The following EEF2K variants were observed in gnomAD, a reference collection of about 807,000 sequenced individuals.
The protein encoded by EEF2K is eukaryotic elongation factor 2 kinase.
EEF2K carries 70 observed loss-of-function variants against 93.8 expected under a neutral mutation model. The ratio of observed to expected loss-of-function variants is 0.75; its 90% CI spans 0.62 to 0.91. The LOEUF (loss-of-function observed/expected upper bound fraction) is 0.91, where lower values mean the gene tolerates loss of function less well. Ranked by LOEUF, EEF2K falls within the 40% of genes least tolerant of loss-of-function variation. The pLI, the probability that EEF2K is intolerant of heterozygous loss-of-function variation, is 0.00. For synonymous variants in EEF2K, 376 were observed against 380.8 expected (o/e 0.99, Z 0.15); for missense variants, 935 against 972.9 (o/e 0.96, Z 0.52).
chr16:22,221,439 A>G (rs1386395719), intron 1 of EEF2K, among the ~76,000 whole-genome samples: 1 of 152,024 alleles, frequency 6.6e-6, no homozygotes, highest in Non-Finnish European at 1.5e-5. Flanking sequence ...ACACCACTGC[A>G]CTCCAGCCAG....
chr16:22,265,938 A>T (rs967718577), intron 13 of EEF2K, among the ~76,000 whole-genome samples: 1 of 152,128 alleles, frequency 6.6e-6, no homozygotes, highest in African/African-American at 2.4e-5. Flanking sequence ...GTTGGTTTAG[A>T]GTGAGACCCC....
At chr16:22,224,908 G>A (rs895289503) in intron 1 of EEF2K, among the ~76,000 whole-genome samples, 6 of 151,698 alleles carry the variant, frequency 4.0e-5, no homozygotes, top group Admixed American at 6.6e-5. Context: ...AGCCAAGATC[G>A]CACCATTGCA....
intron 9 of EEF2K, 121 bp from the exon 10 acceptor site, chr16:22,258,372 TA>T: frequency 9.7e-7 from 1 of 1,029,526 alleles, no homozygotes; most frequent in Non-Finnish European, 1.4e-6. Flanking sequence ...TATCAGCTCC[TA>T]AACAGGCATG....
intron 2 of EEF2K, among the ~76,000 whole-genome samples, chr16:22,233,525 A>C (rs955518547): frequency 4.4e-4 from 49 of 112,386 alleles, no homozygotes; most frequent in African/African-American, 1.4e-3. Flanking sequence ...CTAAAAATAC[A>C]AAAAAAAAAA....
At chr16:22,273,880 C>G (rs1485193551) in intron 16 of EEF2K, 130 bp downstream of exon 16, 14 of 1,312,250 alleles carry the variant, frequency 1.1e-5, no homozygotes, top group Non-Finnish European at 1.1e-5. Flanking sequence ...CCATGGGCAA[C>G]TTATTTTACC....
In EEF2K at chr16:22,286,414, A is replaced by G. The variant is rs938763622; in HGVS notation, c.*2418A>G. 1 of 152,186 alleles carries G rather than the reference A, an allele frequency of 6.6e-6. No homozygotes were observed. The highest frequency in any genetic ancestry group is 2.4e-5 in the African/African-American group (1 of 41,440). The allele number at this position is 152,186 out of a possible 1,614,324, so 9.4% of individuals were successfully genotyped here. ...TTATGTAAATAATTTGTGTTCCCTG[A>G]TCACTCGTTTAAGTTCTTAGTTGTA... On this transcript the variant is annotated 3_prime_UTR_variant, in exon 18 of 18. Transcript: ENST00000263026.
intron 6 of EEF2K, 112 bp from the exon 7 acceptor site, chr16:22,256,636 G>C: frequency 7.7e-7 from 1 of 1,305,706 alleles, no homozygotes; most frequent in Non-Finnish European, 1.0e-6. Flanking sequence ...AGTAAGTCAT[G>C]GAGCCAGGGT....
chr16:22,220,332 G>A (rs916130508), intron 1 of EEF2K, among the ~76,000 whole-genome samples: 53 of 152,212 alleles, frequency 3.5e-4, no homozygotes, highest in African/African-American at 1.2e-3. Context: ...GGTGGGACAT[G>A]GCCGAGGGCC....
intron 16 of EEF2K, among the ~76,000 whole-genome samples, chr16:22,279,562 A>G (rs745684856): frequency 6.6e-6 from 1 of 152,178 alleles, no homozygotes; most frequent in African/African-American, 2.4e-5. Context: ...TGGTATAAAC[A>G]ATTTCTTTAT....
In EEF2K at chr16:22,250,622, G is replaced by A. The variant is rs368834667; in HGVS notation, c.409-32G>A. On this transcript the variant is annotated intron_variant, in intron 4 of 17. Coordinates refer to ENST00000263026, the MANE Select transcript of EEF2K (RefSeq NM_013302.5). ...AGGGTCCCTTTTGGGTGGGGCATGG[G>A]GACTGATAACACTCTGTGTGGTGTC... 158 of 1,614,112 alleles carry A rather than the reference G, an allele frequency of 9.8e-5. No homozygotes were observed. The South Asian group carries it at 1.3e-3, about 14-fold the overall frequency.
intron 2 of EEF2K, among the ~76,000 whole-genome samples, chr16:22,236,232 G>A (rs1034494457): frequency 6.6e-6 from 1 of 152,002 alleles, no homozygotes; most frequent in African/African-American, 2.4e-5. Context: ...GCCTCACTGT[G>A]TTCCCCCACT....
chr16:22,233,921 G>C (rs1007827479), intron 2 of EEF2K, among the ~76,000 whole-genome samples: 3 of 152,078 alleles, frequency 2.0e-5, no homozygotes, highest in Admixed American at 2.0e-4. Context: ...CCAGCCTGTT[G>C]TTGGTTATTT....
At chr16:22,223,262 GTTT>G (rs58446693) in intron 1 of EEF2K, among the ~76,000 whole-genome samples, 3 of 107,464 alleles carry the variant, frequency 2.8e-5, no homozygotes, top group Admixed American at 9.6e-5. Context: ...GTTTTTTTCT[GTTT>G]TTTTTTTTTT....
At position 22,256,892 on chromosome 16, in the gene EEF2K, C is replaced by A. The variant is rs763236265; in HGVS notation, c.763C>A (p.Pro255Thr). 1 of 1,613,982 alleles carries A rather than the reference C, an allele frequency of 6.2e-7. No individual in the cohort carries two copies. The highest frequency in any genetic ancestry group is 1.7e-5 in the Admixed American group (1 of 60,026). Residue 255 changes from proline (P) to threonine (T), a missense_variant, in exon 7 of 18, where the codon CCG becomes ACG. Pro to Thr is a conservative substitution (Grantham distance 38, BLOSUM62 -1). Coordinates refer to ENST00000263026, the MANE Select transcript of EEF2K (RefSeq NM_013302.5). ...FVRDDNIRLT[P>T]QAFSHFTFER... ...CCGCGATGACAACATCCGCCTGACGCCGCAGGTGAGGCCGAGCTCACCTCC... is the reference window on the plus strand; with the variant it reads ...CCGCGATGACAACATCCGCCTGACGACGCAGGTGAGGCCGAGCTCACCTCC...
At chr16:22,244,269 TTGTGTGTGTGTGTGTGTG>T (rs200282636) in intron 2 of EEF2K, among the ~76,000 whole-genome samples, 9 of 140,138 alleles carry the variant, frequency 6.4e-5, no homozygotes, top group South Asian at 2.4e-4. Context: ...TATATATGTA[TTGTGTGTGTGTGTGTGTG>T]TGTGTGTGTG....
At chr16:22,255,360 A>T (rs2141672632) in intron 6 of EEF2K, among the ~76,000 whole-genome samples, 1 of 152,258 alleles carries the variant, frequency 6.6e-6, no homozygotes, top group South Asian at 2.1e-4. Context: ...ATCTCCTTGA[A>T]GCCATCTAGA....
At chr16:22,263,051 T>A in intron 11 of EEF2K, 59 bp from the exon 12 acceptor site, 1 of 1,537,720 alleles carries the variant, frequency 6.5e-7, no homozygotes, top group Non-Finnish European at 8.9e-7. Flanking sequence ...TGAGATGTCA[T>A]AACCATTTCC....
Position 22,284,104 on chromosome 16 carries a change from G to T in EEF2K, c.*108G>T, listed in dbSNP as rs1034478090. The T allele has an allele frequency of 9.9e-7, 1 of 1,009,664 alleles. No individual in the cohort carries two copies. The highest frequency in any genetic ancestry group is 2.7e-5 in the Admixed American group (1 of 36,648). The allele number at this position is 1,009,664 out of a possible 1,614,324, so 62.5% of individuals were successfully genotyped here. A position where few individuals can be genotyped will look rare whatever the true frequency, so the allele number is the denominator to read the frequency against. ...TTGGGGAGGGGAAGCATTTTTAAGT[G>T]TGTTGTAAAATCAAATTTTATATTT... On this transcript the variant is annotated 3_prime_UTR_variant, in exon 18 of 18. Coordinates refer to ENST00000263026, the MANE Select transcript of EEF2K (RefSeq NM_013302.5).
rs372779540 is a variant in EEF2K, at chr16:22,260,601, G to A, written c.1299+72G>A. 3.8e-6 allele frequency: 6 copies of A among 1,594,950 alleles called. No homozygotes were observed. In the African/African-American group the frequency reaches 6.7e-5, roughly 18 times the overall value. On this transcript the variant is annotated intron_variant, in intron 11 of 17. Transcript: ENST00000263026. ...GTAGGAGTGGATTCACTCCCAGAGT[G>A]AATCTTCAGCTTCGGAGGTGGGCAG...
Sources: allele counts gnomAD v4.1 joint callset (sites outside exome capture counted in the v4.1 genomes callset), GRCh38; gene constraint gnomAD v4.1.1; transcripts MANE v1.5; gene names NCBI Gene and HGNC (gene_info 2026-07-23, HGNC 2026-07-21).